ITGBL1: variants seen among roughly 807,000 people sequenced by gnomAD.
ITGBL1 encodes the protein integrin subunit beta like 1, also known as integrin beta-like protein 1.
ITGBL1 carries 51 observed loss-of-function variants against 68.5 expected under a neutral mutation model. The ratio of observed to expected loss-of-function variants is 0.74; its 90% CI spans 0.59 to 0.94. The LOEUF (loss-of-function observed/expected upper bound fraction) is 0.94, where lower values mean the gene tolerates loss of function less well. Ranked by LOEUF, ITGBL1 falls within the 40% of genes least tolerant of loss-of-function variation. ITGBL1 has a pLI of 0.00. For synonymous variants in ITGBL1, 209 were observed against 227.3 expected, an observed-to-expected ratio of 0.92 and a Z score of 0.72; for missense variants, 649 against 647.4, an observed-to-expected ratio of 1.00 and a Z score of -0.03.
chr13:101,529,440 T>C lies in ITGBL1; in HGVS notation c.317-38259T>C, dbSNP rs539964315. Among the ~76,000 whole-genome samples, 3 of 152,124 alleles carry C rather than the reference T, an allele frequency of 2.0e-5. No individual in the cohort carries two copies. In the South Asian group the frequency reaches 6.2e-4, roughly 32 times the overall value. On this transcript the variant is annotated intron_variant, in intron 2 of 10. Transcript: ENST00000376180. ...ATGTTCTAATAAAACTACCAGATTC[T>C]AAAGAAAAAGAAAGAAAAAATAACA... is the stretch of plus-strand genomic sequence containing the variant.
At chr13:101,524,070 A>G (rs920805863) in intron 2 of ITGBL1, among the ~76,000 whole-genome samples, 2 of 152,096 alleles carry the variant, frequency 1.3e-5, no homozygotes, top group Non-Finnish European at 2.9e-5. Context: ...ACTGCAGTGC[A>G]GTGTGATTAA....
intron 2 of ITGBL1, among the ~76,000 whole-genome samples, chr13:101,455,739 G>A (rs748249538): frequency 6.6e-5 from 10 of 152,212 alleles, no homozygotes; most frequent in South Asian, 2.1e-4. Context: ...CCTACAAACC[G>A]CAGTATAATT....
intron 2 of ITGBL1, among the ~76,000 whole-genome samples, chr13:101,504,380 A>G (rs369649132): frequency 6.6e-6 from 1 of 152,164 alleles, no homozygotes; most frequent in Non-Finnish European, 1.5e-5. Context: ...CTTAACTACT[A>G]TTTTACACTG....
intron 6 of ITGBL1, among the ~76,000 whole-genome samples, chr13:101,585,844 C>T (rs2050546763): frequency 6.6e-6 from 1 of 152,148 alleles, no homozygotes; most frequent in Non-Finnish European, 1.5e-5. Context: ...GTGTGACTTG[C>T]TGATATGGAG....
intron 2 of ITGBL1, among the ~76,000 whole-genome samples, chr13:101,465,252 C>T (rs1338199592): frequency 6.6e-6 from 1 of 152,032 alleles, no homozygotes; most frequent in East Asian, 1.9e-4. Flanking sequence ...ATGCTATATA[C>T]ATTTTTGTGG....
chr13:101,540,678 G>T (rs183765871), intron 2 of ITGBL1, among the ~76,000 whole-genome samples: 70 of 152,154 alleles, frequency 4.6e-4, no homozygotes, highest in Non-Finnish European at 8.2e-4. Flanking sequence ...GATTCTTCCT[G>T]TCCATGAGCA....
chr13:101,577,275 C>T (rs1042551782), intron 4 of ITGBL1, among the ~76,000 whole-genome samples: 1 of 152,122 alleles, frequency 6.6e-6, no homozygotes, highest in South Asian at 2.1e-4. Context: ...CACAGTTCAT[C>T]AGTGAAGTAG....
At chr13:101,569,969 T>C (rs2050246901) in intron 3 of ITGBL1, among the ~76,000 whole-genome samples, 1 of 152,114 alleles carries the variant, frequency 6.6e-6, no homozygotes, top group African/African-American at 2.4e-5. Context: ...CTCACTAAAA[T>C]TACCCCAGAT....
At chr13:101,642,269 A>G (rs1444973330) in intron 7 of ITGBL1, among the ~76,000 whole-genome samples, 1 of 152,084 alleles carries the variant, frequency 6.6e-6, no homozygotes, top group Non-Finnish European at 1.5e-5. Flanking sequence ...CTGGTGTGAG[A>G]TGGTATCTCA....
chr13:101,474,588 G>T (rs1375059334), intron 2 of ITGBL1, among the ~76,000 whole-genome samples: 1 of 152,146 alleles, frequency 6.6e-6, no homozygotes, highest in East Asian at 1.9e-4. Context: ...GCAGTAGCCA[G>T]GCAGTGTGGT....
chr13:101,465,244 G>T (rs2048367984), intron 2 of ITGBL1, among the ~76,000 whole-genome samples: 1 of 151,986 alleles, frequency 6.6e-6, no homozygotes, highest in African/African-American at 2.4e-5. Context: ...ATATTTTAAT[G>T]CTATATACAT....
chr13:101,565,659 A>T (rs2050172238), intron 2 of ITGBL1, among the ~76,000 whole-genome samples: 2 of 152,166 alleles, frequency 1.3e-5, no homozygotes, highest in Admixed American at 1.3e-4. Context: ...TAAGCTAAAA[A>T]AATTAAAAAT....
chr13:101,700,776 A>G (rs2034117893), intron 8 of ITGBL1, among the ~76,000 whole-genome samples: 1 of 152,178 alleles, frequency 6.6e-6, no homozygotes, highest in Non-Finnish European at 1.5e-5. Flanking sequence ...TCTTGTCCCA[A>G]GAACTTTTCA....
At chr13:101,624,080 G>T (rs1836843) in intron 7 of ITGBL1, among the ~76,000 whole-genome samples, 122,855 of 152,122 alleles carry the variant, frequency 0.81, 49,763 homozygotes, top group African/African-American at 0.89. Flanking sequence ...CTGGAGATAT[G>T]CTTAGATGTT....
intron 7 of ITGBL1, among the ~76,000 whole-genome samples, chr13:101,631,574 G>A (rs1339621787): frequency 2.6e-5 from 4 of 152,018 alleles, no homozygotes; most frequent in Non-Finnish European, 5.9e-5. Flanking sequence ...ATTTTGCAAG[G>A]GATTACTAAA....
intron 7 of ITGBL1, among the ~76,000 whole-genome samples, chr13:101,651,885 G>T (rs775055878): frequency 6.6e-6 from 1 of 151,866 alleles, no homozygotes; most frequent in Non-Finnish European, 1.5e-5. Context: ...CATTTTCTGC[G>T]TATGGCTAGC....
intron 2 of ITGBL1, among the ~76,000 whole-genome samples, chr13:101,531,550 A>G (rs2139160547): frequency 6.7e-6 from 1 of 150,294 alleles, no homozygotes; most frequent in East Asian, 2.0e-4. Flanking sequence ...TTGCACTCGA[A>G]AACAGGGGTA....
intron 7 of ITGBL1, among the ~76,000 whole-genome samples, chr13:101,604,887 T>TATATATATATATACACACACACAC: frequency 1.4e-4 from 3 of 22,160 alleles, no homozygotes; most frequent in Non-Finnish European, 2.5e-4. Context: ...TATATATATA[T>TATATATATATATACACACACACAC]ACACACACAC....
At chr13:101,519,161 AC>A (rs1014323652) in intron 2 of ITGBL1, among the ~76,000 whole-genome samples, 2 of 152,058 alleles carry the variant, frequency 1.3e-5, no homozygotes, top group African/African-American at 4.8e-5. Context: ...TTGAAAATAA[AC>A]CTTTTTGGGG....
Sources: gnomAD v4.1 joint callset for allele counts (sites outside exome capture counted in the v4.1 genomes callset) on GRCh38, gnomAD v4.1.1 for gene constraint, MANE v1.5 for transcripts, NCBI Gene and HGNC (gene_info 2026-07-23, HGNC 2026-07-21) for gene names.